RGL1: variants seen among roughly 807,000 people sequenced by gnomAD.
RGL1 encodes the protein ral guanine nucleotide dissociation stimulator like 1.
In RGL1, 24 loss-of-function variants were observed where a neutral mutation model predicts 95.2. That is an observed-to-expected ratio of 0.25 (90% confidence interval 0.18 to 0.35). The LOEUF (loss-of-function observed/expected upper bound fraction) is 0.35. RGL1 is among the 10% of genes least tolerant of loss of function. The probability of loss-of-function intolerance (pLI) is 1.00; values close to 1 mark genes in which losing one functional copy is unlikely to be tolerated. For missense variants in RGL1, 715 were observed against 936.3 expected (o/e 0.76, Z 3.08); for synonymous variants, 329 against 344.9 (o/e 0.95, Z 0.51).
intron 4 of RGL1, among the ~76,000 whole-genome samples, chr1:183,869,892 T>A (rs753321316): frequency 1.4e-4 from 21 of 152,208 alleles, no homozygotes; most frequent in Admixed American, 2.6e-4. Context: ...GTAGGAGGTA[T>A]GGCAGTGGTT....
intron 1 of RGL1, among the ~76,000 whole-genome samples, chr1:183,693,477 T>A (rs1374836918): frequency 6.6e-6 from 1 of 151,848 alleles, no homozygotes; most frequent in Non-Finnish European, 1.5e-5. Flanking sequence ...TCCTTTCTTC[T>A]TTCCTCCCTC....
intron 2 of RGL1, among the ~76,000 whole-genome samples, chr1:183,752,614 C>CT (rs36165485): frequency 0.51 from 63,663 of 123,664 alleles, 14,982 homozygotes; most frequent in East Asian, 0.78. Context: ...CTCGAGAACA[C>CT]TTTTTTTTTT....
At chr1:183,803,897 G>A (rs977948490), upstream of RGL1, among the ~76,000 whole-genome samples, 1 of 152,226 alleles carries the variant, frequency 6.6e-6, no homozygotes, top group African/African-American at 2.4e-5. Context: ...TGTGTTTTTC[G>A]TTCGTTTGTT....
intron 1 of RGL1, among the ~76,000 whole-genome samples, chr1:183,651,172 TGCCTTCCTCATCAAA>T: frequency 6.6e-6 from 1 of 152,306 alleles, no homozygotes; most frequent in African/African-American, 2.4e-5. Flanking sequence ...TATTTAGAAA[TGCCTTCCTCATCAAA>T]GCATAATTAA....
At chr1:183,812,892 A>AG (rs760122888) in intron 2 of RGL1, among the ~76,000 whole-genome samples, 51 of 152,302 alleles carry the variant, frequency 3.3e-4, no homozygotes, top group Non-Finnish European at 5.7e-4. Flanking sequence ...GGGAGAGGAA[A>AG]GGGGGCTGGA....
chr1:183,817,456 C>T (rs1272859727), intron 2 of RGL1, among the ~76,000 whole-genome samples: 2 of 151,836 alleles, frequency 1.3e-5, no homozygotes, highest in Non-Finnish European at 2.9e-5. Context: ...GTTCCTGTTC[C>T]TTCCTGTCCT....
chr1:183,667,881 T>A (rs1438050668), intron 1 of RGL1, among the ~76,000 whole-genome samples: 2 of 152,216 alleles, frequency 1.3e-5, no homozygotes, highest in Non-Finnish European at 2.9e-5. Flanking sequence ...CTAATCTAAG[T>A]ACACTTTCAA....
At chr1:183,677,811 G>T (rs998559935) in intron 1 of RGL1, among the ~76,000 whole-genome samples, 1 of 152,160 alleles carries the variant, frequency 6.6e-6, no homozygotes, top group Non-Finnish European at 1.5e-5. Context: ...AGGGGTGAGG[G>T]AAGCAAGGTT....
At chr1:183,714,872 G>T (rs1051924047) in intron 1 of RGL1, among the ~76,000 whole-genome samples, 21 of 152,148 alleles carry the variant, frequency 1.4e-4, no homozygotes. Context: ...TTGCTCACAG[G>T]GTGTGAACTG....
intron 3 of RGL1, among the ~76,000 whole-genome samples, chr1:183,853,026 C>T (rs1211805307): frequency 6.6e-6 from 1 of 152,020 alleles, no homozygotes; most frequent in Non-Finnish European, 1.5e-5. Context: ...CTGTGTTATG[C>T]ACTCTAATAT....
At chr1:183,758,227 C>T (rs998381498) in intron 2 of RGL1, among the ~76,000 whole-genome samples, 4 of 148,030 alleles carry the variant, frequency 2.7e-5, no homozygotes, top group Admixed American at 6.8e-5. Flanking sequence ...GACGGAGTCT[C>T]GCTCTGTCGC....
At chr1:183,794,013 A>G (rs1038294128) in intron 2 of RGL1, among the ~76,000 whole-genome samples, 3 of 151,816 alleles carry the variant, frequency 2.0e-5, no homozygotes, top group Non-Finnish European at 4.4e-5. Flanking sequence ...TATAGAATCA[A>G]CCTAAGTGTA....
chr1:183,901,428 A>C (rs968548043), intron 11 of RGL1, among the ~76,000 whole-genome samples: 1 of 152,180 alleles, frequency 6.6e-6, no homozygotes, highest in African/African-American at 2.4e-5. Context: ...CAGAGGTTGC[A>C]GTGAGCCGAG....
At chr1:183,811,400 A>G (rs999765939) in intron 2 of RGL1, among the ~76,000 whole-genome samples, 1 of 152,180 alleles carries the variant, frequency 6.6e-6, no homozygotes, top group South Asian at 2.1e-4. Context: ...GATAAGCCCT[A>G]GAGGAGCCTT....
intron 1 of RGL1, among the ~76,000 whole-genome samples, chr1:183,711,451 A>T (rs551267753): frequency 1.9e-4 from 29 of 152,204 alleles, no homozygotes; most frequent in Non-Finnish European, 4.0e-4. Flanking sequence ...GCACTTAATG[A>T]GTATGTAGGA....
At chr1:183,783,223 A>G (rs1304836695) in intron 2 of RGL1, among the ~76,000 whole-genome samples, 1 of 152,056 alleles carries the variant, frequency 6.6e-6, no homozygotes, top group Non-Finnish European at 1.5e-5. Context: ...GGGGGTTCCC[A>G]GATGAATTCA....
intron 3 of RGL1, among the ~76,000 whole-genome samples, chr1:183,857,561 C>A (rs563703956): frequency 6.6e-6 from 1 of 152,092 alleles, no homozygotes; most frequent in Admixed American, 6.5e-5. Flanking sequence ...GACATCATGC[C>A]CTGTTCAGTT....
chr1:183,798,974 A>G (rs1314284493), intron 2 of RGL1, among the ~76,000 whole-genome samples: 1 of 142,528 alleles, frequency 7.0e-6, no homozygotes, highest in Non-Finnish European at 1.5e-5. Flanking sequence ...GCACCATCTC[A>G]GCTCACTGCA....
intron 2 of RGL1, among the ~76,000 whole-genome samples, chr1:183,794,771 G>T (rs1349012295): frequency 1.3e-5 from 2 of 152,070 alleles, no homozygotes; most frequent in African/African-American, 2.4e-5. Context: ...TTCTTCAAAG[G>T]TGGTGGTTAA....
Sources: gnomAD v4.1 joint callset for allele counts (sites outside exome capture counted in the v4.1 genomes callset) on GRCh38, gnomAD v4.1.1 for gene constraint, MANE v1.5 for transcripts, NCBI Gene and HGNC (gene_info 2026-07-23, HGNC 2026-07-21) for gene names.